BEND2: variants seen among roughly 807,000 people sequenced by gnomAD.
The protein encoded by BEND2 is BEN domain-containing protein 2.
Under a neutral mutation model 43.8 loss-of-function variants are expected in BEND2, and 19 were observed. The ratio of observed to expected loss-of-function variants is 0.43; its 90% CI spans 0.30 to 0.64. The LOEUF (loss-of-function observed/expected upper bound fraction) is 0.64. Ranked by LOEUF, BEND2 falls within the 30% of genes least tolerant of loss-of-function variation. The pLI, the probability that BEND2 is intolerant of heterozygous loss-of-function variation, is 0.11. For synonymous variants in BEND2, 226 were observed against 210.1 expected (o/e 1.08, Z -0.66); for missense variants, 544 against 574.0 (o/e 0.95, Z 0.53).
At chrX:18,190,924 G>A (rs905583063) in intron 8 of BEND2, 77 bp downstream of exon 8, 2 of 877,773 alleles carry the variant, frequency 2.3e-6, no homozygotes, top group Admixed American at 6.1e-5. Context: ...ACTGGGTAAA[G>A]GTACACAAGA....
chrX:18,209,882 G>A (rs1261163680), intron 4 of BEND2, among the ~76,000 whole-genome samples: 1 of 111,191 alleles, frequency 9.0e-6, no homozygotes, highest in Non-Finnish European at 1.9e-5. Context: ...TCCTGGTTCT[G>A]ATAACTGTGC....
chrX:18,169,144 C>CA (rs994362910), intron 13 of BEND2, among the ~76,000 whole-genome samples: 4 of 104,245 alleles, frequency 3.8e-5, no homozygotes, highest in Non-Finnish European at 7.8e-5. Context: ...GACCCCATCT[C>CA]AAAAAAAAGA....
intron 4 of BEND2, among the ~76,000 whole-genome samples, chrX:18,211,302 T>C (rs186902819): frequency 1.8e-5 from 2 of 111,968 alleles, no homozygotes; most frequent in Admixed American, 1.9e-4. Context: ...TGTAAAACAG[T>C]ATGACCACTT....
chrX:18,211,548 C>T (rs912131464), intron 4 of BEND2, among the ~76,000 whole-genome samples: 5 of 111,923 alleles, frequency 4.5e-5, no homozygotes, highest in African/African-American at 1.6e-4. Context: ...TTTGGGAAGC[C>T]GAGGCAGGCA....
In BEND2 at chrX:18,162,985, A is replaced by G. The variant is rs894344342; in HGVS notation, c.*2024T>C. 1 of 112,575 alleles carries G rather than the reference A, an allele frequency of 8.9e-6. No homozygotes were observed. Among genetic ancestry groups the G allele is most frequent in the Non-Finnish European group, 1.9e-5 (1 of 53,294 alleles). The allele number at this position is 112,575 out of a possible 1,213,427, so 9.3% of individuals were successfully genotyped here. ...ATCTATTTGGGAAACAAAACATTAA[A>G]GATACATTTATTTATCAAAAATGAG... On this transcript the variant is annotated 3_prime_UTR_variant, in exon 14 of 14. Coordinates refer to ENST00000380033, the MANE Select transcript of BEND2 (RefSeq NM_153346.5).
intron 4 of BEND2, among the ~76,000 whole-genome samples, chrX:18,206,926 G>T (rs1925352712): frequency 8.9e-6 from 1 of 111,812 alleles, no homozygotes; most frequent in African/African-American, 3.2e-5. Flanking sequence ...GATCTAGAAC[G>T]GGCAGGGAAG....
At chrX:18,168,065 GGGAAA>G (rs1400194365) in intron 13 of BEND2, among the ~76,000 whole-genome samples, 13 of 112,666 alleles carry the variant, frequency 1.2e-4, no homozygotes, top group African/African-American at 3.9e-4. Context: ...AGGCTTAAGA[GGGAAA>G]AGGTTGGGTA....
At position 18,197,507 on chromosome X, in the gene BEND2, G is replaced by A. The variant is rs778218369; in HGVS notation, c.1034-2065C>T. Among the ~76,000 whole-genome samples, 5 of 111,663 alleles carry A rather than the reference G, an allele frequency of 4.5e-5. No individual in the cohort carries two copies. In the East Asian group the frequency reaches 1.4e-3, roughly 31 times the overall value. On this transcript the variant is annotated intron_variant, in intron 6 of 13. Coordinates refer to ENST00000380033, the MANE Select transcript of BEND2 (RefSeq NM_153346.5). Reference sequence around the variant, plus strand: ...TTGCATTAAGGATGTTGATCGATCCGGATTCAATAGTGTCACTTGTAATAC... The same window carrying A: ...TTGCATTAAGGATGTTGATCGATCCAGATTCAATAGTGTCACTTGTAATAC...
intron 4 of BEND2, among the ~76,000 whole-genome samples, chrX:18,210,935 G>T (rs1021536402): frequency 9.0e-6 from 1 of 111,380 alleles, no homozygotes; most frequent in African/African-American, 3.3e-5. Flanking sequence ...AATCGAATTA[G>T]CCCAGCATTA....
Position 18,165,213 on chromosome X carries a change from T to C in BEND2, c.2196A>G (p.Gln732=), listed in dbSNP as rs1923793115. 2 of 1,204,059 alleles carry C rather than the reference T, an allele frequency of 1.7e-6. No homozygotes were observed. Among genetic ancestry groups the C allele is most frequent in the Non-Finnish European group, 2.2e-6 (2 of 889,442 alleles). The part of the protein sequence containing the change: ...NKISALREFL[Q]ENYPICDLSE... ...AGAGATCACAAATTGGGTAGTTTTC[T>C]TGGAGGAACTCTGATGGTAAAGACC... The change falls in exon 14 of 14, where the codon CAA becomes CAG. Residue 732 remains glutamine, a synonymous_variant. Transcript: ENST00000380033.
intron 2 of BEND2, among the ~76,000 whole-genome samples, chrX:18,214,415 A>G (rs184930220): frequency 8.9e-6 from 1 of 112,184 alleles, no homozygotes; most frequent in Admixed American, 9.5e-5. Flanking sequence ...TAGGGAGCTC[A>G]TAACCTTATA....
chrX:18,202,759 T>C (rs1925207789), intron 5 of BEND2, among the ~76,000 whole-genome samples: 1 of 112,365 alleles, frequency 8.9e-6, no homozygotes, highest in Non-Finnish European at 1.9e-5. Flanking sequence ...ATGCAATTAA[T>C]ATATAACCAG....
At chrX:18,185,637 C>T (rs12388491) in intron 8 of BEND2, among the ~76,000 whole-genome samples, 3,403 of 108,606 alleles carry the variant, frequency 0.031, 130 homozygotes, top group African/African-American at 0.11. Flanking sequence ...GAACACCAAG[C>T]AGATTTCACC....
Position 18,185,166 on chromosome X carries a change from C to A in BEND2, c.1289-4516G>T, listed in dbSNP as rs190326130. Among the ~76,000 whole-genome samples, 367 of 109,536 alleles carry A rather than the reference C, an allele frequency of 3.4e-3. 3 individuals carry two copies. The highest frequency in any genetic ancestry group is 0.011 in the African/African-American group (331 of 30,121). On this transcript the variant is annotated intron_variant, in intron 8 of 13. Transcript: ENST00000380033. ...GTCTACAAGATCTAGAAAACAGCCT[C>A]AAAATGGCAAATCTAAGAGTTATTG...
At chrX:18,180,477 T>C (rs897539034) in intron 9 of BEND2, 33 bp downstream of exon 9, 2 of 1,202,515 alleles carry the variant, frequency 1.7e-6, no homozygotes, top group African/African-American at 1.7e-5. Flanking sequence ...GCTCAAATAG[T>C]GCCACTTATA....
At chrX:18,198,074 C>T (rs1239801177) in intron 6 of BEND2, among the ~76,000 whole-genome samples, 3 of 111,553 alleles carry the variant, frequency 2.7e-5, no homozygotes, top group South Asian at 3.8e-4. Context: ...AAGACTTAAA[C>T]GTTAGACCTA....
At chrX:18,191,585 A>G (rs1465272688) in intron 7 of BEND2, among the ~76,000 whole-genome samples, 1 of 112,310 alleles carries the variant, frequency 8.9e-6, no homozygotes, top group East Asian at 2.8e-4. Context: ...TGTTCATAGC[A>G]GCTTTACTTC....
intron 4 of BEND2, among the ~76,000 whole-genome samples, chrX:18,205,875 G>A (rs950850093): frequency 1.8e-5 from 2 of 110,954 alleles, no homozygotes; most frequent in Non-Finnish European, 3.8e-5. Context: ...CCCTCCAGGT[G>A]ATTCTGATGC....
intron 8 of BEND2, among the ~76,000 whole-genome samples, chrX:18,189,920 C>T (rs1371230634): frequency 9.1e-6 from 1 of 110,197 alleles, no homozygotes; most frequent in Non-Finnish European, 1.9e-5. Context: ...CATGGTGGCA[C>T]ATGCCTGTAG....
Sources: allele counts gnomAD v4.1 joint callset (sites outside exome capture counted in the v4.1 genomes callset), GRCh38; gene constraint gnomAD v4.1.1; transcripts MANE v1.5; gene names NCBI Gene and HGNC (gene_info 2026-07-23, HGNC 2026-07-21).